ETV3: variants seen among roughly 807,000 people sequenced by gnomAD.
ETV3 encodes ETS translocation variant 3.
In ETV3, 8 loss-of-function variants were observed where a neutral mutation model predicts 33.0. That is an observed-to-expected ratio of 0.24 (90% CI 0.14 to 0.44). The LOEUF (loss-of-function observed/expected upper bound fraction) is 0.44, where lower values mean the gene tolerates loss of function less well. Among genes scored for constraint, ETV3 ranks in the 20% least tolerant of loss-of-function variants. The probability of loss-of-function intolerance (pLI) is 1.00; values close to 1 mark genes in which losing one functional copy is unlikely to be tolerated. For missense variants in ETV3, 473 were observed against 652.3 expected (o/e 0.73, Z 2.99); for synonymous variants, 222 against 238.9 (o/e 0.93, Z 0.65).
At chr1:157,128,415 C>T in intron 4 of ETV3, 3 of 310,734 alleles carry the variant, frequency 9.7e-6, no homozygotes, top group Admixed American at 3.1e-5. Flanking sequence ...GTGCCCAGTG[C>T]CACACTGTGG....
In ETV3 at chr1:157,132,684, G is replaced by A. The variant is rs1434422284; in HGVS notation, c.400+1428C>T. ...GCGAGTACAGGTCTGATTTCCTAACGCCTCTCCCTCAGGCACAAGGAAAGA... is the reference window on the plus strand; with the variant it reads ...GCGAGTACAGGTCTGATTTCCTAACACCTCTCCCTCAGGCACAAGGAAAGA... On this transcript the variant is annotated intron_variant, in intron 4 of 4. Transcript: ENST00000368192. 2.6e-5 allele frequency among the ~76,000 whole-genome samples: 4 copies of A among 151,878 alleles called. No individual in the cohort carries two copies. In the East Asian group the frequency reaches 7.7e-4, roughly 29 times the overall value.
Position 157,125,018 on chromosome 1 carries a change from C to A in ETV3, c.1362G>T (p.Arg454Ser). The change falls in exon 5 of 5, where the codon AGG (arginine) becomes AGT (serine). Residue 454 changes from arginine to serine, a missense_variant. Arg to Ser is a moderately radical substitution (Grantham distance 110). Around this residue, in one of 3 missense-constraint regions of ETV3, gnomAD observed 410 missense variants for 520.2 expected, o/e 0.79. Coordinates refer to ENST00000368192, the MANE Select transcript of ETV3 (RefSeq NM_001145312.3). The surrounding 1 kb of genome is among the most constrained non-coding windows in gnomAD (Gnocchi z 4.0). ...CAGGTGCACTGGGCTCTTTGCCAGG[C>A]CTATCCTCACTGTCTTCAGTCACCT... is the stretch of plus-strand genomic sequence containing the variant. ...PLEVTEDSEDRPGKEPSAPEK... is the reference protein window; with the variant it reads ...PLEVTEDSEDSPGKEPSAPEK... 1 of 1,551,516 alleles carries A rather than the reference C, an allele frequency of 6.4e-7. No individual in the cohort carries two copies. The highest frequency in any genetic ancestry group is 1.2e-5 in the South Asian group (1 of 84,000).
In ETV3 at chr1:157,130,594, C is replaced by T. The variant is rs553083484; in HGVS notation, c.400+3518G>A. Among the ~76,000 whole-genome samples, 65 of 152,256 alleles carry T rather than the reference C, an allele frequency of 4.3e-4. No individual in the cohort carries two copies. The South Asian group carries it at 0.013, about 31-fold the overall frequency. On this transcript the variant is annotated intron_variant, in intron 4 of 4. Transcript: ENST00000368192. ...CTGGCAAAATGGAATTCATAAGGTC[C>T]TTGCCTAGGTTCCAATCTTGGTCCT...
At chr1:157,126,473 G>A (rs1674839748) in intron 4 of ETV3, among the ~76,000 whole-genome samples, 1 of 152,174 alleles carries the variant, frequency 6.6e-6, no homozygotes, top group African/African-American at 2.4e-5. Context: ...ATATTCGTGT[G>A]TGTGTGTGAC....
chr1:157,136,860 G>C (rs919599409), intron 1 of ETV3, among the ~76,000 whole-genome samples: 2 of 152,056 alleles, frequency 1.3e-5, no homozygotes, highest in Non-Finnish European at 2.9e-5. Flanking sequence ...ATCTGATTTT[G>C]ATTTATTTTA....
At position 157,133,457 on chromosome 1, in the gene ETV3, T is replaced by C. The variant is rs557989502; in HGVS notation, c.400+655A>G. On this transcript the variant is annotated intron_variant, in intron 4 of 4. Transcript: ENST00000368192. ...AAAAAACCACACAACAACAAAGTCT[T>C]TTGAGAGACTGCTTTCAACATCAAG... 4.1e-6 allele frequency: 4 copies of C among 985,646 alleles called. No individual in the cohort carries two copies. In the East Asian group the frequency reaches 4.5e-4, roughly 112 times the overall value. The allele number at this position is 985,646 out of a possible 1,614,324, so 61.1% of individuals were successfully genotyped here. A position where few individuals can be genotyped will look rare whatever the true frequency, so the allele number is the denominator to read the frequency against.
chr1:157,135,438 T>C, intron 3 of ETV3, 33 bp downstream of exon 3: 1 of 1,612,206 alleles, frequency 6.2e-7, no homozygotes, highest in South Asian at 1.1e-5. Flanking sequence ...CCTTCCAATC[T>C]GTTAACACAG....
rs183649324 is a variant in ETV3, at chr1:157,128,553, G to A, written c.401-2574C>T. 4.7e-4 allele frequency: 115 copies of A among 246,316 alleles called. No homozygotes were observed. In the East Asian group the frequency reaches 0.011, roughly 23 times the overall value. The allele number at this position is 246,316 out of a possible 1,614,324, so 15.3% of individuals were successfully genotyped here. On this transcript the variant is annotated intron_variant, in intron 4 of 4. Transcript: ENST00000368192. ...AGGCATTACCTGGGGAGAGGATACCGATGGAGTATTTGGAGAATCCCAAGA... is the reference window on the plus strand; with the variant it reads ...AGGCATTACCTGGGGAGAGGATACCAATGGAGTATTTGGAGAATCCCAAGA...
At chr1:157,136,488 T>C in intron 1 of ETV3, 123 bp from the exon 2 acceptor site, 1 of 840,916 alleles carries the variant, frequency 1.2e-6, no homozygotes, top group Admixed American at 2.7e-5. Flanking sequence ...TGCAACTCTC[T>C]TTCTTTCAAA....
At position 157,124,208 on chromosome 1, in the gene ETV3, GA is replaced by G. The variant is rs1674768180; in HGVS notation, c.*632del. ...TCCTGAAAACATTTTCTTTAAAAAG[GA>G]AAAGAAAAAAATGCCAAACAACACC... On this transcript the variant is annotated 3_prime_UTR_variant, in exon 5 of 5. Coordinates refer to ENST00000368192, the MANE Select transcript of ETV3 (RefSeq NM_001145312.3). The G allele has an allele frequency of 3.7e-5, 1 of 26,996 alleles. No individual in the cohort carries two copies. Among genetic ancestry groups the G allele is most frequent in the Non-Finnish European group, 7.9e-5 (1 of 12,726 alleles). 1.7% of individuals were successfully genotyped at this position (26,996 alleles called of 1,614,324 possible).
At position 157,123,700 on chromosome 1, in the gene ETV3, C is replaced by T. The variant is rs915650290; in HGVS notation, c.*1141G>A. On this transcript the variant is annotated 3_prime_UTR_variant, in exon 5 of 5. Transcript: ENST00000368192. ...ATATCAAGAGGGAATGACTAAGTAT[C>T]AGCTAGAAACTTAGCCATGTCTCAA... The T allele has an allele frequency of 8.5e-5, 13 of 152,226 alleles. No individual in the cohort carries two copies. Among genetic ancestry groups the T allele is most frequent in the African/African-American group, 2.9e-4 (12 of 41,448 alleles). The allele number at this position is 152,226 out of a possible 1,614,324, so 9.4% of individuals were successfully genotyped here.
At position 157,125,156 on chromosome 1, in the gene ETV3, G is replaced by A; in HGVS notation, c.1224C>T (p.Gly408=). 1 of 1,551,816 alleles carries A rather than the reference G, an allele frequency of 6.4e-7. No homozygotes were observed. The highest frequency in any genetic ancestry group is 8.7e-7 in the Non-Finnish European group (1 of 1,146,936). Residue 408 remains glycine, a synonymous_variant, in exon 5 of 5, where the codon GGC becomes GGT. Coordinates refer to ENST00000368192, the MANE Select transcript of ETV3 (RefSeq NM_001145312.3). The surrounding 1 kb of genome is among the most constrained non-coding windows in gnomAD (Gnocchi z 4.0). The part of the protein sequence containing the change: ...REKEEHTQEE[G]TVPSRTIEEE... Reference sequence around the variant, plus strand: ...CTTCAATGGTCCTGCTTGGCACAGTGCCCTCTTCTTGAGTGTGCTCCTCCT... The same window carrying A: ...CTTCAATGGTCCTGCTTGGCACAGTACCCTCTTCTTGAGTGTGCTCCTCCT...
chr1:157,129,876 T>A (rs1260058218), intron 4 of ETV3, among the ~76,000 whole-genome samples: 1 of 152,124 alleles, frequency 6.6e-6, no homozygotes. Context: ...GACAGAATCT[T>A]GCTGTCGCCC....
Position 157,126,035 on chromosome 1 carries a change from T to C in ETV3, c.401-56A>G, listed in dbSNP as rs1674828771. 3.5e-6 allele frequency: 5 copies of C among 1,424,428 alleles called. No individual in the cohort carries two copies. In the South Asian group the frequency reaches 5.8e-5, roughly 17 times the overall value. The allele number at this position is 1,424,428 out of a possible 1,614,324, so 88.2% of individuals were successfully genotyped here. A position where few individuals can be genotyped will look rare whatever the true frequency, so the allele number is the denominator to read the frequency against. On this transcript the variant is annotated intron_variant, in intron 4 of 4. Transcript: ENST00000368192. ...TCAGAGGACTGCTCATTCATTATCA[T>C]CACTTATGCTAACTAAGTGCAAAAT...
At position 157,125,021 on chromosome 1, in the gene ETV3, A is replaced by C. The variant is rs1259500990; in HGVS notation, c.1359T>G (p.Asp453Glu). The change falls in exon 5 of 5, where the codon GAT (aspartate) becomes GAG (glutamate). Residue 453 changes from aspartate to glutamate, a missense_variant. This residue lies in a region of ETV3 where 410 missense variants were observed against 520.2 expected (regional missense o/e 0.79). Coordinates refer to ENST00000368192, the MANE Select transcript of ETV3 (RefSeq NM_001145312.3). The surrounding 1 kb of genome is among the most constrained non-coding windows in gnomAD (Gnocchi z 4.0). ...GTGCACTGGGCTCTTTGCCAGGCCTATCCTCACTGTCTTCAGTCACCTCCA... is the reference window on the plus strand; with the variant it reads ...GTGCACTGGGCTCTTTGCCAGGCCTCTCCTCACTGTCTTCAGTCACCTCCA... ...EPLEVTEDSE[D>E]RPGKEPSAPE... 1 of 1,551,490 alleles carries C rather than the reference A, an allele frequency of 6.4e-7. No individual in the cohort carries two copies. The highest frequency in any genetic ancestry group is 8.7e-7 in the Non-Finnish European group (1 of 1,146,928).
chr1:157,136,321 G>A lies in ETV3; in HGVS notation c.32C>T (p.Pro11Leu). The A allele has an allele frequency of 6.2e-7, 1 of 1,611,792 alleles. No homozygotes were observed. The highest frequency in any genetic ancestry group is 8.5e-7 in the Non-Finnish European group (1 of 1,179,152). Reference protein sequence around the residue: MKAGCSIVEKPEGGGGYQFPD... With the variant: MKAGCSIVEKLEGGGGYQFPD... The stretch of plus-strand genomic sequence containing the variant: ...CTTCTGCTCACCTCCACCTCCTTCT[G>A]GCTTTTCCACGATGCTACAGCCGGC... Residue 11 changes from proline (P) to leucine (L), a missense_variant, in exon 2 of 5, where the codon CCA becomes CTA. Physicochemically the swap from Pro to Leu is moderately conservative, Grantham distance 98 (BLOSUM62 -3). This residue lies in a region of ETV3 where 33 missense variants were observed against 37.1 expected (regional missense o/e 0.89). Transcript: ENST00000368192.
chr1:157,136,376 CA>C lies in ETV3; in HGVS notation c.-13-12del. Reference sequence around the variant, plus strand: ...ATTTTCACCCGCCTGCTGAGAGACACAAGCCACACAATTACTTTAAGATGCT... The same window carrying C: ...ATTTTCACCCGCCTGCTGAGAGACACAGCCACACAATTACTTTAAGATGCT... On this transcript the variant is annotated splice_polypyrimidine_tract_variant and intron_variant, in intron 1 of 4. Transcript: ENST00000368192. 4.4e-6 allele frequency: 7 copies of C among 1,600,270 alleles called. No homozygotes were observed. The highest frequency in any genetic ancestry group is 6.0e-6 in the Non-Finnish European group (7 of 1,174,970).
intron 4 of ETV3, among the ~76,000 whole-genome samples, chr1:157,130,649 G>A (rs1336689513): frequency 6.6e-6 from 1 of 152,166 alleles, no homozygotes; most frequent in Non-Finnish European, 1.5e-5. Context: ...CCTCTGGACA[G>A]CTTGCCTCTC....
chr1:157,132,193 C>T (rs572006560), intron 4 of ETV3, among the ~76,000 whole-genome samples: 9 of 152,352 alleles, frequency 5.9e-5, no homozygotes, highest in South Asian at 2.1e-4. Flanking sequence ...AGTGATCTGC[C>T]GGCCTTGGCC....
Sources: gnomAD v4.1 joint callset for allele counts (sites outside exome capture counted in the v4.1 genomes callset) on GRCh38, gnomAD v4.1.1 for gene constraint, gnomAD v4.1.1 regional missense constraint, Gnocchi (gnomAD v3.1) non-coding constraint, MANE v1.5 for transcripts, NCBI Gene and HGNC (gene_info 2026-07-23, HGNC 2026-07-21) for gene names.